Variants in C5orf47 observed in about 807,000 individuals in gnomAD.
C5orf47 encodes the protein uncharacterized protein C5orf47.
In C5orf47, 20 loss-of-function variants were observed where a neutral mutation model predicts 20.6. That is an observed-to-expected ratio of 0.97 (90% CI 0.68 to 1.41). C5orf47 has a LOEUF of 1.41. C5orf47 is among the 40% of genes most tolerant of loss of function. C5orf47 has a pLI of 0.00. For missense variants in C5orf47, 262 were observed against 238.4 expected (o/e 1.10, Z -0.65); for synonymous variants, 106 against 97.3 (o/e 1.09, Z -0.53).
rs1758927044 is a variant in C5orf47, at chr5:173,989,250, T to G, written c.-14T>G. The G allele has an allele frequency of 7.2e-7, 1 of 1,380,930 alleles. No individual in the cohort carries two copies. The highest frequency in any genetic ancestry group is 9.4e-7 in the Non-Finnish European group (1 of 1,066,208). 85.5% of individuals were successfully genotyped at this position (1,380,930 alleles called of 1,614,324 possible). On this transcript the variant is annotated 5_prime_UTR_variant, in exon 1 of 5. Coordinates refer to ENST00000340147, the MANE Select transcript of C5orf47 (RefSeq NM_001144954.2). ...TGTTTGCTGAGGGCCCGGCTGCCGT[T>G]GACTGAGGCTGCGATGGCGGCGGCA...
downstream of C5orf47, among the ~76,000 whole-genome samples, chr5:174,007,643 C>T (rs1361465668): frequency 2.0e-5 from 3 of 151,680 alleles, no homozygotes; most frequent in South Asian, 2.1e-4. Flanking sequence ...CTGGAACCTC[C>T]GCCCCCTAGG....
At chr5:174,006,479 G>T (rs908613059), downstream of C5orf47, among the ~76,000 whole-genome samples, 4 of 151,820 alleles carry the variant, frequency 2.6e-5, no homozygotes, top group African/African-American at 9.7e-5. Context: ...AAACGTTCAT[G>T]AGAAAAAAAA....
rs143638852 is a variant in C5orf47, at chr5:173,990,860, C to T, written c.325+1272C>T. 1.5e-4 allele frequency among the ~76,000 whole-genome samples: 23 copies of T among 152,318 alleles called. No individual in the cohort carries two copies. The East Asian group carries it at 3.7e-3, about 24-fold the overall frequency. The stretch of plus-strand genomic sequence containing the variant: ...TAATTAAGATATAGAACATTTCCAT[C>T]ACTTGTACTTACGGAATAACAGCTT... On this transcript the variant is annotated intron_variant, in intron 1 of 4. Coordinates refer to ENST00000340147, the MANE Select transcript of C5orf47 (RefSeq NM_001144954.2).
chr5:174,009,194 G>A (rs1405979789), downstream of C5orf47, among the ~76,000 whole-genome samples: 1 of 152,126 alleles, frequency 6.6e-6, no homozygotes, highest in East Asian at 1.9e-4. Flanking sequence ...CTGGGTGACA[G>A]AGCAAGACTC....
intron 3 of C5orf47, among the ~76,000 whole-genome samples, chr5:174,000,238 A>G (rs1759171550): frequency 6.6e-6 from 1 of 151,756 alleles, no homozygotes. Context: ...GCATTTAACA[A>G]AGATCTACCC....
rs1202252571 is a variant in C5orf47, at chr5:173,989,476, C to T, written c.213C>T (p.Leu71=). ...TTCAGGGTGGCAGCGAGCTGCCCCT[C>T]GGTTCCCAGCTCAGGGTCCCCACGA... The part of the protein sequence containing the change: ...AGVQGGSELP[L]GSQLRVPTTP... Residue 71 remains leucine (L), a synonymous_variant, in exon 1 of 5, where the codon CTC becomes CTT. Coordinates refer to ENST00000340147, the MANE Select transcript of C5orf47 (RefSeq NM_001144954.2). 7 of 1,548,742 alleles carry T rather than the reference C, an allele frequency of 4.5e-6. No homozygotes were observed. The highest frequency in any genetic ancestry group is 1.4e-5 in the African/African-American group (1 of 72,916).
intron 1 of C5orf47, among the ~76,000 whole-genome samples, chr5:173,997,506 G>C (rs1374192229): frequency 6.6e-6 from 1 of 152,170 alleles, no homozygotes; most frequent in African/African-American, 2.4e-5. Context: ...GTGGAAAGAT[G>C]ACTAAGACAC....
At position 173,989,334 on chromosome 5, in the gene C5orf47, A is replaced by T; in HGVS notation, c.71A>T (p.His24Leu). 1 of 1,450,584 alleles carries T rather than the reference A, an allele frequency of 6.9e-7. No homozygotes were observed. 89.9% of individuals were successfully genotyped at this position (1,450,584 alleles called of 1,614,324 possible). Residue 24 changes from histidine to leucine, a missense_variant, in exon 1 of 5, where the codon CAT (histidine) becomes CTT (leucine). His to Leu is a moderately conservative substitution (Grantham distance 99, BLOSUM62 -3). Coordinates refer to ENST00000340147, the MANE Select transcript of C5orf47 (RefSeq NM_001144954.2). ...GTCTATGTGACGCGCTTCGGCTCGC[A>T]TCAGTGCAGTGGCGTCCTGCAACTG... ...RFVYVTRFGSHQCSGVLQLGG... is the reference protein window; with the variant it reads ...RFVYVTRFGSLQCSGVLQLGG...
Position 173,989,551 on chromosome 5 carries a change from G to GAGAGTTC in C5orf47, c.293_299dup (p.Gly101SerfsTer19). The GAGAGTTC allele has an allele frequency of 6.6e-7, 1 of 1,512,588 alleles. No individual in the cohort carries two copies. The highest frequency in any genetic ancestry group is 8.8e-7 in the Non-Finnish European group (1 of 1,130,468). 93.7% of individuals were successfully genotyped at this position (1,512,588 alleles called of 1,614,324 possible). ...CTGCCTCCTCCCAGCTGCGGGCATC[G>GAGAGTTC]AGAGTTCAGAGCGGCACCAGACAGT... On this transcript the variant is annotated frameshift_variant, in exon 1 of 5. Transcript: ENST00000340147. LOFTEE classifies it high-confidence loss of function.
At chr5:173,991,299 A>G (rs1237419774) in intron 1 of C5orf47, among the ~76,000 whole-genome samples, 2 of 152,050 alleles carry the variant, frequency 1.3e-5, no homozygotes, top group African/African-American at 4.8e-5. Flanking sequence ...TTTGCCTGCA[A>G]TAGATTTATT....
intron 1 of C5orf47, among the ~76,000 whole-genome samples, chr5:173,995,469 A>G (rs944429506): frequency 2.0e-5 from 3 of 152,250 alleles, no homozygotes; most frequent in Admixed American, 6.5e-5. Context: ...TCAGAAAGAC[A>G]TAATCCGTGG....
intron 1 of C5orf47, among the ~76,000 whole-genome samples, chr5:173,992,245 T>C (rs1440398579): frequency 6.6e-6 from 1 of 151,640 alleles, no homozygotes; most frequent in African/African-American, 2.4e-5. Flanking sequence ...TTTTTTTTTT[T>C]TTTTACTAAG....
rs1179170495 is a variant in C5orf47, at chr5:173,989,423, C to G, written c.160C>G (p.Pro54Ala). 4 of 1,548,868 alleles carry G rather than the reference C, an allele frequency of 2.6e-6. No homozygotes were observed. Among genetic ancestry groups the G allele is most frequent in the Non-Finnish European group, 3.5e-6 (4 of 1,145,666 alleles). Residue 54 changes from proline to alanine, a missense_variant, in exon 1 of 5, where the codon CCG becomes GCG. Physicochemically the swap from Pro to Ala is conservative, Grantham distance 27. Transcript: ENST00000340147. The stretch of plus-strand genomic sequence containing the variant: ...TGGGGCAGGCTGTCGCCAGGAGAAG[C>G]CGAGGGAAGCAATGGCGGTGGCGGG... ...GPGAGCRQEK[P>A]REAMAVAGVQ... is the part of the protein sequence containing the mutation.
chr5:174,006,669 C>T (rs556847211), downstream of C5orf47, among the ~76,000 whole-genome samples: 214 of 152,116 alleles, frequency 1.4e-3, 1 homozygote, highest in Non-Finnish European at 2.3e-3. Context: ...CTGTGGGAGT[C>T]GGGTGGCTGG....
intron 1 of C5orf47, among the ~76,000 whole-genome samples, chr5:173,992,866 A>C (rs975268901): frequency 1.3e-5 from 2 of 151,982 alleles, no homozygotes; most frequent in African/African-American, 4.8e-5. Flanking sequence ...TTGTGACCTA[A>C]TTTATCATCC....
chr5:173,989,308 C>G lies in C5orf47; in HGVS notation c.45C>G (p.Phe15Leu). 7.1e-7 allele frequency: 1 copy of G among 1,404,506 alleles called. No homozygotes were observed. The highest frequency in any genetic ancestry group is 9.3e-7 in the Non-Finnish European group (1 of 1,073,616). 87.0% of individuals were successfully genotyped at this position (1,404,506 alleles called of 1,614,324 possible). The change falls in exon 1 of 5, where the codon TTC becomes TTG. Residue 15 changes from phenylalanine (F) to leucine (L), a missense_variant. Physicochemically the swap from Phe to Leu is conservative, Grantham distance 22. Transcript: ENST00000340147. Reference sequence around the variant, plus strand: ...GTCGGGAGCAGGACTCGGCGCGCTTCGTCTATGTGACGCGCTTCGGCTCGC... The same window carrying G: ...GTCGGGAGCAGGACTCGGCGCGCTTGGTCTATGTGACGCGCTTCGGCTCGC... Reference protein sequence around the residue: ...GRGREQDSARFVYVTRFGSHQ... With the variant: ...GRGREQDSARLVYVTRFGSHQ...
chr5:173,999,709 T>C lies in C5orf47; in HGVS notation c.421T>C (p.Trp141Arg). 1 of 1,444,030 alleles carries C rather than the reference T, an allele frequency of 6.9e-7. No individual in the cohort carries two copies. Among genetic ancestry groups the C allele is most frequent in the East Asian group, 2.5e-5 (1 of 40,160 alleles). The allele number at this position is 1,444,030 out of a possible 1,614,324, so 89.5% of individuals were successfully genotyped here. ...IMKKKKKVLV[W>R]NRVYKVISRM... ...TGCTTATCTTTTTAAGGTTTTAGTA[T>C]GGAATAGAGTATACAAAGTCATTTC... Residue 141 changes from tryptophan (W) to arginine (R), a missense_variant, in exon 3 of 5, where the codon TGG becomes CGG. Physicochemically the swap from Trp to Arg is moderately radical, Grantham distance 101. Transcript: ENST00000340147.
At chr5:173,999,174 C>A (rs773913859) in intron 2 of C5orf47, among the ~76,000 whole-genome samples, 1 of 152,116 alleles carries the variant, frequency 6.6e-6, no homozygotes, top group Non-Finnish European at 1.5e-5. Flanking sequence ...TGGAAAATGG[C>A]AAAGCTAGAA....
rs72814721 is a variant in C5orf47 at position 173,989,188 on chromosome 5, C to A, written c.-76C>A. 13 of 1,307,366 alleles carry A rather than the reference C, an allele frequency of 9.9e-6. 1 individual carries two copies. Among genetic ancestry groups the A allele is most frequent in the East Asian group, 3.1e-5 (1 of 32,666 alleles). The allele number at this position is 1,307,366 out of a possible 1,614,324, so 81.0% of individuals were successfully genotyped here. A position where few individuals can be genotyped will look rare whatever the true frequency, so the allele number is the denominator to read the frequency against. On this transcript the variant is annotated 5_prime_UTR_variant, in exon 1 of 5. Transcript: ENST00000340147. ...TGGCCCTAACCGCTCCCGCATCCCTCGCCTGCACAGTGGGCAGTCTGGCGC... is the reference window on the plus strand; with the variant it reads ...TGGCCCTAACCGCTCCCGCATCCCTAGCCTGCACAGTGGGCAGTCTGGCGC...
Sources: allele counts gnomAD v4.1 joint callset (sites outside exome capture counted in the v4.1 genomes callset), GRCh38; gene constraint gnomAD v4.1.1; transcripts MANE v1.5; gene names NCBI Gene and HGNC (gene_info 2026-07-23, HGNC 2026-07-21).